Variants in ANKS1B observed in about 807,000 individuals in gnomAD.
The protein encoded by ANKS1B is ankyrin repeat and sterile alpha motif domain-containing protein 1B.
A neutral mutation model predicts 148.3 loss-of-function variants in ANKS1B; 36 were observed. The ratio of observed to expected loss-of-function variants is 0.24; its 90% confidence interval spans 0.19 to 0.32. The LOEUF is 0.32. Among genes scored for constraint, ANKS1B ranks in the 10% least tolerant of loss-of-function variants. The pLI, the probability that ANKS1B is intolerant of heterozygous loss-of-function variation, is 1.00. For missense variants in ANKS1B, 1,157 were observed against 1,542.6 expected (o/e 0.75, Z 4.19); for synonymous variants, 542 against 560.8 (o/e 0.97, Z 0.47).
intron 1 of ANKS1B, among the ~76,000 whole-genome samples, chr12:99,830,453 G>A (rs1263381599): frequency 5.3e-5 from 8 of 151,286 alleles, no homozygotes; most frequent in South Asian, 4.2e-4. Context: ...AAGAATTTAC[G>A]GGAAAAAAAA....
intron 9 of ANKS1B, among the ~76,000 whole-genome samples, chr12:99,571,977 T>A (rs1369176123): frequency 6.6e-6 from 1 of 152,104 alleles, no homozygotes; most frequent in African/African-American, 2.4e-5. Context: ...CATATGCATG[T>A]TGAGCCTAGT....
intron 8 of ANKS1B, among the ~76,000 whole-genome samples, chr12:99,765,211 T>C (rs899175871): frequency 2.0e-5 from 3 of 152,190 alleles, no homozygotes; most frequent in African/African-American, 7.2e-5. Flanking sequence ...CCTCATGGGA[T>C]TGTTGTCAGG....
At chr12:99,592,739 G>A (rs1033674081) in intron 9 of ANKS1B, among the ~76,000 whole-genome samples, 1 of 152,048 alleles carries the variant, frequency 6.6e-6, no homozygotes, top group Non-Finnish European at 1.5e-5. Context: ...GTGAGCAATG[G>A]CCCATGACAC....
chr12:99,310,563 C>G (rs2082997031), intron 12 of ANKS1B, among the ~76,000 whole-genome samples: 1 of 152,130 alleles, frequency 6.6e-6, no homozygotes, highest in South Asian at 2.1e-4. Flanking sequence ...CTTTCAGACT[C>G]AAACTGAAAC....
intron 14 of ANKS1B, among the ~76,000 whole-genome samples, chr12:99,216,009 G>T (rs1289748382): frequency 2.6e-5 from 4 of 152,162 alleles, no homozygotes. Flanking sequence ...GTCAAGGGAG[G>T]GCCCTGGAGG....
chr12:98,930,319 CAT>C (rs1391186640), intron 17 of ANKS1B, among the ~76,000 whole-genome samples: 24 of 152,112 alleles, frequency 1.6e-4, no homozygotes, highest in African/African-American at 5.8e-4. Flanking sequence ...TTGTAACTCT[CAT>C]ATGTTACTGG....
chr12:98,906,748 A>G (rs1464347790), intron 17 of ANKS1B, among the ~76,000 whole-genome samples: 3 of 152,236 alleles, frequency 2.0e-5, no homozygotes, highest in Non-Finnish European at 4.4e-5. Context: ...GGGGCCTAAT[A>G]TTATTGCATA....
chr12:99,945,565 A>G (rs1156438), intron 1 of ANKS1B, among the ~76,000 whole-genome samples: 20,661 of 152,230 alleles, frequency 0.14, 1,875 homozygotes, highest in Non-Finnish European at 0.2. Context: ...TTCAAAAGCA[A>G]TTGTCTCACA....
chr12:99,058,897 C>T (rs1277812110), intron 16 of ANKS1B, among the ~76,000 whole-genome samples: 1 of 150,898 alleles, frequency 6.6e-6, no homozygotes, highest in Non-Finnish European at 1.5e-5. Context: ...GCTACCACGC[C>T]CGGCTAATTT....
chr12:99,586,104 G>A (rs796145520), intron 9 of ANKS1B, among the ~76,000 whole-genome samples: 59 of 152,178 alleles, frequency 3.9e-4, no homozygotes, highest in African/African-American at 1.4e-3. Context: ...GAACTTTTAT[G>A]GTCTGCTCCC....
chr12:99,210,131 CTCTT>C (rs1274216437), intron 14 of ANKS1B, among the ~76,000 whole-genome samples: 2 of 152,180 alleles, frequency 1.3e-5, no homozygotes, highest in East Asian at 1.9e-4. Context: ...TGTTTCTTTC[CTCTT>C]TCTTTAACTC....
At chr12:99,253,086 C>T (rs1350927788) in intron 12 of ANKS1B, among the ~76,000 whole-genome samples, 1 of 151,980 alleles carries the variant, frequency 6.6e-6, no homozygotes, top group Non-Finnish European at 1.5e-5. Flanking sequence ...GAAATTTAAG[C>T]ATGATAATGA....
At chr12:99,850,699 T>C in intron 1 of ANKS1B, among the ~76,000 whole-genome samples, 1 of 152,076 alleles carries the variant, frequency 6.6e-6, no homozygotes, top group Middle Eastern at 3.2e-3. Context: ...ATGAAAAGAT[T>C]AAATTTGCTT....
intron 8 of ANKS1B, among the ~76,000 whole-genome samples, chr12:99,742,375 T>A (rs1320627914): frequency 1.3e-5 from 2 of 151,962 alleles, no homozygotes; most frequent in African/African-American, 2.4e-5. Flanking sequence ...AGCAGAGTAT[T>A]CACACACAAA....
chr12:99,596,528 G>C (rs760226398), intron 9 of ANKS1B, among the ~76,000 whole-genome samples: 2 of 151,846 alleles, frequency 1.3e-5, no homozygotes, highest in Non-Finnish European at 2.9e-5. Flanking sequence ...TTGAGGTTAT[G>C]ATGAACATGA....
intron 17 of ANKS1B, among the ~76,000 whole-genome samples, chr12:99,013,223 TTTCTAA>T (rs1310238293): frequency 3.9e-5 from 6 of 152,208 alleles, no homozygotes; most frequent in Admixed American, 3.3e-4. Flanking sequence ...AAATTTTGCT[TTTCTAA>T]TTCTGAGTAG....
At position 99,516,469 on chromosome 12, in the gene ANKS1B, C is replaced by G. The variant is rs12811104; in HGVS notation, c.1273-11828G>C. On this transcript the variant is annotated intron_variant, in intron 9 of 26. Coordinates refer to ENST00000683438, the MANE Select transcript of ANKS1B (RefSeq NM_001352186.2). ...ATAGATGAAGCTGGAAGCCATTATC[C>G]TCAGCAAACTAACACAGGAAGAGAA... Among the ~76,000 whole-genome samples, 788 of 152,164 alleles carry G rather than the reference C, an allele frequency of 5.2e-3. 8 individuals carry two copies. The South Asian group carries it at 0.058, about 11-fold the overall frequency.
intron 17 of ANKS1B, among the ~76,000 whole-genome samples, chr12:98,857,311 G>T (rs770299131): frequency 6.6e-6 from 1 of 152,240 alleles, no homozygotes; most frequent in South Asian, 2.1e-4. Flanking sequence ...GTGGGATACG[G>T]TGTGAGCAAT....
chr12:98,922,729 C>T (rs180689858), intron 17 of ANKS1B, among the ~76,000 whole-genome samples: 3 of 152,192 alleles, frequency 2.0e-5, no homozygotes, highest in South Asian at 4.1e-4. Flanking sequence ...GAACTCCCGA[C>T]CTCAGGCGAT....
Sources: gnomAD v4.1 joint callset for allele counts (sites outside exome capture counted in the v4.1 genomes callset) on GRCh38, gnomAD v4.1.1 for gene constraint, MANE v1.5 for transcripts, NCBI Gene and HGNC (gene_info 2026-07-23, HGNC 2026-07-21) for gene names.